The following GLS variants were observed in gnomAD, a reference collection of about 807,000 sequenced individuals.
GLS encodes glutaminase kidney isoform, mitochondrial.
GLS carries 36 observed loss-of-function variants against 86.7 expected under a neutral mutation model. The ratio of observed to expected loss-of-function variants is 0.42; its 90% CI spans 0.32 to 0.55. The LOEUF is 0.55. GLS is among the 20% of genes least tolerant of loss of function. The pLI is 0.17. For missense variants in GLS, 528 were observed against 833.4 expected (o/e 0.63, Z 4.51); for synonymous variants, 317 against 305.9 (o/e 1.04, Z -0.38).
chr2:190,954,772 A>C lies in GLS; in HGVS notation c.1807A>C (p.Lys603Gln), dbSNP rs1238052519. The change falls in exon 17 of 18, where the codon AAA (lysine) becomes CAA (glutamine). Residue 603 changes from lysine to glutamine, a missense_variant. Around this residue, in one of 4 missense-constraint regions of GLS, gnomAD observed 163 missense variants for 429.2 expected, o/e 0.38. Transcript: ENST00000320717. This position sits in a 1 kb window ranked among gnomAD's most constrained non-coding sequence, Gnocchi z 4.0. ...CGGTATAGGTCATGTTGAAGTTGTT[A>C]AATTTTTGCTGGAAGCCTGCAAAGT... ...AAAEGHVEVV[K>Q]FLLEACKVNP... is the part of the protein sequence containing the mutation. 6.2e-7 allele frequency: 1 copy of C among 1,613,798 alleles called. No homozygotes were observed. Among genetic ancestry groups the C allele is most frequent in the African/African-American group, 1.3e-5 (1 of 74,996 alleles).
chr2:190,884,094 A>G (rs1469244614), intron 1 of GLS, among the ~76,000 whole-genome samples: 2 of 152,184 alleles, frequency 1.3e-5, no homozygotes, highest in African/African-American at 4.8e-5. Context: ...TGTTATCTTG[A>G]AAACCAACTT....
intron 14 of GLS, among the ~76,000 whole-genome samples, chr2:190,937,626 A>T (rs1690309443): frequency 1.3e-5 from 2 of 151,322 alleles, no homozygotes; most frequent in Admixed American, 1.3e-4. Flanking sequence ...ATTTAAGTTG[A>T]CTTTGTTTGC....
At chr2:190,885,766 C>T (rs1242221765) in intron 1 of GLS, among the ~76,000 whole-genome samples, 1 of 151,818 alleles carries the variant, frequency 6.6e-6, no homozygotes, top group Non-Finnish European at 1.5e-5. Context: ...TTCCTTTGGG[C>T]TTCTCAGGCA....
intron 3 of GLS, among the ~76,000 whole-genome samples, chr2:190,900,124 A>T (rs1030027591): frequency 6.6e-6 from 1 of 152,186 alleles, no homozygotes; most frequent in African/African-American, 2.4e-5. Context: ...TTAATTTTTG[A>T]ATGAAATGCT....
chr2:190,913,667 T>C lies in GLS; in HGVS notation c.1038+3346T>C. The stretch of plus-strand genomic sequence containing the variant: ...CGTAGTTTTAGTTTAAAAGTTAAGA[T>C]CTGGTGATAACTTAAGGGTTAGGAT... On this transcript the variant is annotated intron_variant, in intron 7 of 17. Transcript: ENST00000320717. The surrounding 1 kb of genome is among the most constrained non-coding windows in gnomAD (Gnocchi z 6.1). The C allele has an allele frequency of 1.0e-6, 1 of 976,388 alleles. No individual in the cohort carries two copies. Among genetic ancestry groups the C allele is most frequent in the South Asian group, 4.7e-5 (1 of 21,140 alleles). The allele number at this position is 976,388 out of a possible 1,614,324, so 60.5% of individuals were successfully genotyped here.
rs115644736 is a variant in GLS, at chr2:190,916,994, G to A, written c.1039-4030G>A. Among the ~76,000 whole-genome samples, 468 of 152,314 alleles carry A rather than the reference G, an allele frequency of 3.1e-3. 3 individuals carry two copies. Among genetic ancestry groups the A allele is most frequent in the African/African-American group, 0.011 (441 of 41,576 alleles). The stretch of plus-strand genomic sequence containing the variant: ...TGATGACTACTGACTGATAATGGTG[G>A]TGGTTGCTGAAGATTGCGGTGGCTG... On this transcript the variant is annotated intron_variant, in intron 7 of 17. Transcript: ENST00000320717.
At position 190,881,003 on chromosome 2, in the gene GLS, C is replaced by T; in HGVS notation, c.-82C>T. On this transcript the variant is annotated 5_prime_UTR_variant, in exon 1 of 18. Coordinates refer to ENST00000320717, the MANE Select transcript of GLS (RefSeq NM_014905.5). ...CTTCTGTCATCTCACCGCCCCACCA[C>T]AGACCGCGTTCCCCGAGGAAACCGG... 2 of 1,449,732 alleles carry T rather than the reference C, an allele frequency of 1.4e-6. No homozygotes were observed. The highest frequency in any genetic ancestry group is 1.4e-5 in the African/African-American group (1 of 70,878). The allele number at this position is 1,449,732 out of a possible 1,614,324, so 89.8% of individuals were successfully genotyped here.
chr2:190,926,624 C>G (rs1206064741), intron 11 of GLS, among the ~76,000 whole-genome samples: 4 of 152,006 alleles, frequency 2.6e-5, no homozygotes, highest in African/African-American at 9.7e-5. Context: ...GAACTATTTT[C>G]ATTATTTTGA....
chr2:190,902,640 G>A (rs1300220420), intron 5 of GLS, among the ~76,000 whole-genome samples: 1 of 152,162 alleles, frequency 6.6e-6, no homozygotes, highest in East Asian at 1.9e-4. Flanking sequence ...AAAAATCAAA[G>A]AATTAAGAGA....
Position 190,881,426 on chromosome 2 carries a change from G to A in GLS, c.342G>A (p.Ala114=), listed in dbSNP as rs1251396407. 1 of 1,545,830 alleles carries A rather than the reference G, an allele frequency of 6.5e-7. No individual in the cohort carries two copies. Among genetic ancestry groups the A allele is most frequent in the Non-Finnish European group, 8.7e-7 (1 of 1,145,324 alleles). Residue 114 remains alanine (A), a synonymous_variant, in exon 1 of 18, where the codon GCG becomes GCA. Transcript: ENST00000320717. ...GPKDGPGETD[A]FGNSEGKELV... The stretch of plus-strand genomic sequence containing the variant: ...AGGACGGCCCCGGGGAGACGGACGC[G>A]TTTGGCAACAGCGAGGGCAAAGAGC...
intron 1 of GLS, among the ~76,000 whole-genome samples, chr2:190,890,869 T>C (rs1688537368): frequency 6.6e-6 from 1 of 152,128 alleles, no homozygotes. Flanking sequence ...ATACTATGTG[T>C]TTTAAGAGTT....
Position 190,901,943 on chromosome 2 carries a change from A to C in GLS, c.736-4A>C. 6.4e-7 allele frequency: 1 copy of C among 1,573,346 alleles called. No homozygotes were observed. Among genetic ancestry groups the C allele is most frequent in the Non-Finnish European group, 8.7e-7 (1 of 1,143,236 alleles). ...TATTCATTTCTTTCCAATCTTTTGG[A>C]TAGGTTGCAGATTATATTCCTCAAC... On this transcript the variant is annotated splice_polypyrimidine_tract_variant and splice_region_variant and intron_variant, in intron 4 of 17. Transcript: ENST00000320717.
Position 190,951,802 on chromosome 2 carries a change from G to A in GLS, c.1651-1763G>A, listed in dbSNP as rs1469868535. ...ATTCTGTGGTCCAAGAGCAAAAAGG[G>A]AATTGAGAATTCAGAGTTGACCCCA... On this transcript the variant is annotated intron_variant, in intron 14 of 17. Transcript: ENST00000320717. This position sits in a 1 kb window ranked among gnomAD's most constrained non-coding sequence, Gnocchi z 4.2. 3.3e-5 allele frequency among the ~76,000 whole-genome samples: 5 copies of A among 152,126 alleles called. No homozygotes were observed.
At position 190,924,952 on chromosome 2, in the gene GLS, A is replaced by G. The variant is rs1466499638; in HGVS notation, c.1248+359A>G. Among the ~76,000 whole-genome samples the G allele has an allele frequency of 6.6e-6, 1 of 152,170 alleles. No individual in the cohort carries two copies. ...GGATGTGTCACATTATGCAAAATATAGATGTCTCAGAAATCTTGGTTCTAG... is the reference window on the plus strand; with the variant it reads ...GGATGTGTCACATTATGCAAAATATGGATGTCTCAGAAATCTTGGTTCTAG... On this transcript the variant is annotated intron_variant, in intron 11 of 17. Transcript: ENST00000320717. The surrounding 1 kb of genome is among the most constrained non-coding windows in gnomAD (Gnocchi z 5.2).
chr2:190,960,995 T>C (rs1574626356), intron 17 of GLS, among the ~76,000 whole-genome samples: 2 of 152,216 alleles, frequency 1.3e-5, no homozygotes, highest in African/African-American at 4.8e-5. Flanking sequence ...TAAAACACTA[T>C]GTAATACATG....
Position 190,942,067 on chromosome 2 carries a change from C to CTTTTTTTTTTTTTTTT in GLS, c.1650+10445_1650+10460dup, listed in dbSNP as rs3036653. Among the ~76,000 whole-genome samples, 143 of 38,062 alleles carry CTTTTTTTTTTTTTTTT rather than the reference C, an allele frequency of 3.8e-3. 45 individuals are homozygous for CTTTTTTTTTTTTTTTT. Among genetic ancestry groups the CTTTTTTTTTTTTTTTT allele is most frequent in the Non-Finnish European group, 7.0e-3 (121 of 17,208 alleles). 25.0% of individuals were successfully genotyped at this position (38,062 alleles called of 152,430 possible). A position where few individuals can be genotyped will look rare whatever the true frequency, so the allele number is the denominator to read the frequency against. ...AGAGTTTAGTGTGAAACTTTGAAGA[C>CTTTTTTTTTTTTTTTT]TTTTTTTTTTTTTTTTTTTTTTTTT... is the stretch of plus-strand genomic sequence containing the variant. On this transcript the variant is annotated intron_variant, in intron 14 of 17. Coordinates refer to ENST00000320717, the MANE Select transcript of GLS (RefSeq NM_014905.5).
At chr2:190,882,944 A>G (rs1017972903) in intron 1 of GLS, among the ~76,000 whole-genome samples, 2 of 152,226 alleles carry the variant, frequency 1.3e-5, no homozygotes, top group Admixed American at 6.5e-5. Context: ...CCAAGGAAGT[A>G]ACGAGTTTAC....
chr2:190,887,474 A>G (rs1044564145), intron 1 of GLS, among the ~76,000 whole-genome samples: 2 of 152,186 alleles, frequency 1.3e-5, no homozygotes, highest in Non-Finnish European at 2.9e-5. Context: ...TAGATGTTGC[A>G]TAATGAATAA....
rs1315680921 is a variant in GLS, at chr2:190,881,234, C to G, written c.150C>G (p.Ala50=). ...GGGRPAAGPA[A]AARLHPWWGG... ...GACGGCCGGCCGCGGGCCCGGCTGC[C>G]GCCGCGCGACTCCACCCGTGGTGGG... Residue 50 remains alanine, a synonymous_variant, in exon 1 of 18, where the codon GCC becomes GCG. Transcript: ENST00000320717. 8.0e-7 allele frequency: 1 copy of G among 1,248,158 alleles called. No individual in the cohort carries two copies. The highest frequency in any genetic ancestry group is 1.0e-6 in the Non-Finnish European group (1 of 999,432). The allele number at this position is 1,248,158 out of a possible 1,614,324, so 77.3% of individuals were successfully genotyped here.
Sources: gnomAD v4.1 joint callset for allele counts (sites outside exome capture counted in the v4.1 genomes callset) on GRCh38, gnomAD v4.1.1 for gene constraint, gnomAD v4.1.1 regional missense constraint, Gnocchi (gnomAD v3.1) non-coding constraint, MANE v1.5 for transcripts, NCBI Gene and HGNC (gene_info 2026-07-23, HGNC 2026-07-21) for gene names.